SBF2: variants seen among roughly 807,000 people sequenced by gnomAD.
SBF2 encodes the protein myotubularin-related protein 13.
In SBF2, 112 loss-of-function variants were observed where a neutral mutation model predicts 225.2. The ratio of observed to expected loss-of-function variants is 0.50; its 90% CI spans 0.43 to 0.58. SBF2 has a LOEUF of 0.58. Among genes scored for constraint, SBF2 ranks in the 20% least tolerant of loss-of-function variants. The pLI is 0.00. For synonymous variants in SBF2, 763 were observed against 773.3 expected (o/e 0.99, Z 0.22); for missense variants, 1,996 against 2,206.2 (o/e 0.90, Z 1.91).
chr11:9,853,328 T>C (rs777821917), intron 20 of SBF2, among the ~76,000 whole-genome samples: 11 of 152,186 alleles, frequency 7.2e-5, no homozygotes, highest in Admixed American at 3.3e-4. Flanking sequence ...CTGCACAACA[T>C]TGTAGATGTA....
chr11:10,180,958 T>C (rs928507645), intron 2 of SBF2, among the ~76,000 whole-genome samples: 1 of 152,228 alleles, frequency 6.6e-6, no homozygotes, highest in Non-Finnish European at 1.5e-5. Context: ...ATTTCACAGA[T>C]ATTAGAGGTT....
At chr11:9,876,958 C>G (rs1859307721) in intron 17 of SBF2, among the ~76,000 whole-genome samples, 1 of 152,182 alleles carries the variant, frequency 6.6e-6, no homozygotes, top group South Asian at 2.1e-4. Context: ...AGGCTGCTCT[C>G]AAACTCCTGA....
At chr11:10,192,307 A>G (rs528298976) in intron 2 of SBF2, among the ~76,000 whole-genome samples, 1 of 152,356 alleles carries the variant, frequency 6.6e-6, no homozygotes, top group East Asian at 1.9e-4. Flanking sequence ...GTAGGCCTAC[A>G]GAACCCTCAG....
intron 16 of SBF2, among the ~76,000 whole-genome samples, chr11:9,903,996 T>C (rs1324146390): frequency 6.6e-6 from 1 of 152,156 alleles, no homozygotes. Context: ...TGCCAATTTA[T>C]CACTTTTAGA....
intron 2 of SBF2, among the ~76,000 whole-genome samples, chr11:10,050,731 C>T (rs1325221449): frequency 6.6e-6 from 1 of 152,032 alleles, no homozygotes; most frequent in Non-Finnish European, 1.5e-5. Flanking sequence ...GATAAGATGG[C>T]TACTAAGTGA....
At chr11:9,901,990 C>T (rs1475784494) in intron 16 of SBF2, among the ~76,000 whole-genome samples, 1 of 152,180 alleles carries the variant, frequency 6.6e-6, no homozygotes, top group Non-Finnish European at 1.5e-5. Context: ...GATTCTGATA[C>T]AGCATCACAT....
intron 34 of SBF2, among the ~76,000 whole-genome samples, chr11:9,789,985 A>G (rs1852637174): frequency 6.6e-6 from 1 of 152,208 alleles, no homozygotes; most frequent in Non-Finnish European, 1.5e-5. Context: ...GGAAGGCCAG[A>G]CTAGGGTTCT....
chr11:10,136,080 T>G (rs1452739226), intron 2 of SBF2, among the ~76,000 whole-genome samples: 1 of 152,100 alleles, frequency 6.6e-6, no homozygotes, highest in Non-Finnish European at 1.5e-5. Flanking sequence ...AAGGCATGTC[T>G]CACATGGCAG....
intron 1 of SBF2, among the ~76,000 whole-genome samples, chr11:10,215,051 A>G (rs1205439045): frequency 6.6e-6 from 1 of 152,186 alleles, no homozygotes; most frequent in Non-Finnish European, 1.5e-5. Context: ...CAAGCAAGGA[A>G]GCTCCTGTAG....
chr11:10,135,115 C>A (rs1954283425), intron 2 of SBF2, among the ~76,000 whole-genome samples: 1 of 152,232 alleles, frequency 6.6e-6, no homozygotes, highest in Non-Finnish European at 1.5e-5. Flanking sequence ...GCAGGCTCAA[C>A]ACCGCGTTGA....
At position 9,780,496 on chromosome 11, in the gene SBF2, C is replaced by T. The variant is rs1353568885; in HGVS notation, c.5472G>A (p.Val1824=). 31 of 1,614,152 alleles carry T rather than the reference C, an allele frequency of 1.9e-5. No homozygotes were observed. The East Asian group carries it at 6.9e-4, about 36-fold the overall frequency. ...GTCCATCCTGGGCGCAGAAGTTATA[C>T]ACACGTTTGCTGGTCTTGAGCTACA... is the stretch of plus-strand genomic sequence containing the variant. ...AFFDLKTSKR[V]YNFCAQDGQS... Residue 1824 remains valine, a synonymous_variant, in exon 40 of 40, where the codon GTG becomes GTA. Coordinates refer to ENST00000256190, the MANE Select transcript of SBF2 (RefSeq NM_030962.4).
chr11:9,882,344 T>G (rs1015378038), intron 17 of SBF2, among the ~76,000 whole-genome samples: 16 of 152,246 alleles, frequency 1.1e-4, no homozygotes, highest in African/African-American at 3.4e-4. Context: ...AAAATTTTTA[T>G]TGTTACCATG....
chr11:9,785,846 T>C (rs1186155891), intron 36 of SBF2, among the ~76,000 whole-genome samples: 1 of 145,158 alleles, frequency 6.9e-6, no homozygotes, highest in African/African-American at 2.5e-5. Context: ...AGTGAGACAC[T>C]ATCTCAAAAA....
intron 2 of SBF2, among the ~76,000 whole-genome samples, chr11:10,151,259 G>C (rs890929052): frequency 6.6e-6 from 1 of 152,060 alleles, no homozygotes; most frequent in African/African-American, 2.4e-5. Flanking sequence ...AAATCCCTTG[G>C]CATCTCTTTG....
chr11:9,947,501 T>G (rs949772832), intron 16 of SBF2, among the ~76,000 whole-genome samples: 6 of 152,144 alleles, frequency 3.9e-5, no homozygotes, highest in African/African-American at 1.4e-4. Flanking sequence ...GGAAGAAGGG[T>G]GTGGTGACTA....
intron 2 of SBF2, among the ~76,000 whole-genome samples, chr11:10,132,826 G>C (rs1290860820): frequency 6.7e-6 from 1 of 148,954 alleles, no homozygotes; most frequent in Non-Finnish European, 1.5e-5. Flanking sequence ...TGTTTTGTCA[G>C]GGCGCTGATT....
intron 13 of SBF2, among the ~76,000 whole-genome samples, chr11:9,984,238 T>TA (rs1221896109): frequency 6.6e-6 from 1 of 151,898 alleles, no homozygotes; most frequent in Non-Finnish European, 1.5e-5. Flanking sequence ...GAGAAAACAA[T>TA]AAAAAATTCA....
intron 16 of SBF2, among the ~76,000 whole-genome samples, chr11:9,904,065 T>C (rs534081677): frequency 2.0e-5 from 3 of 152,186 alleles, no homozygotes; most frequent in Non-Finnish European, 2.9e-5. Flanking sequence ...GGGGGACAGC[T>C]TTCTCCTGCC....
intron 16 of SBF2, among the ~76,000 whole-genome samples, chr11:9,938,076 G>A (rs944371997): frequency 1.3e-5 from 2 of 151,910 alleles, no homozygotes; most frequent in African/African-American, 4.8e-5. Flanking sequence ...CGGATCACGC[G>A]GTCAGGAGAT....
Sources: gnomAD v4.1 joint callset for allele counts (sites outside exome capture counted in the v4.1 genomes callset) on GRCh38, gnomAD v4.1.1 for gene constraint, MANE v1.5 for transcripts, NCBI Gene and HGNC (gene_info 2026-07-23, HGNC 2026-07-21) for gene names.